RABGAP1L: variants seen among roughly 807,000 people sequenced by gnomAD.
The protein encoded by RABGAP1L is RAB GTPase activating protein 1 like, also known as rab GTPase-activating protein 1-like.
In RABGAP1L, 63 loss-of-function variants were observed where a neutral mutation model predicts 137.7. That is an observed-to-expected ratio of 0.46 (90% CI 0.37 to 0.56). The LOEUF (loss-of-function observed/expected upper bound fraction) is 0.56, where lower values mean the gene tolerates loss of function less well. RABGAP1L is among the 20% of genes least tolerant of loss of function. RABGAP1L has a pLI of 0.00. For synonymous variants in RABGAP1L, 431 were observed against 433.7 expected (o/e 0.99, Z 0.08); for missense variants, 1,095 against 1,244.0 (o/e 0.88, Z 1.80).
At chr1:174,532,532 G>A (rs1664510948) in intron 13 of RABGAP1L, among the ~76,000 whole-genome samples, 1 of 152,070 alleles carries the variant, frequency 6.6e-6, no homozygotes. Flanking sequence ...AGATGAAATT[G>A]ATAAATATTG....
At chr1:174,254,652 G>A (rs1353112267) in intron 7 of RABGAP1L, among the ~76,000 whole-genome samples, 3 of 152,120 alleles carry the variant, frequency 2.0e-5, no homozygotes, top group African/African-American at 7.2e-5. Flanking sequence ...CTATGTCCCT[G>A]CAAAGGACAT....
intron 13 of RABGAP1L, among the ~76,000 whole-genome samples, chr1:174,599,668 G>A (rs1049899591): frequency 6.6e-6 from 1 of 151,954 alleles, no homozygotes; most frequent in Non-Finnish European, 1.5e-5. Context: ...GTTTTGTAGG[G>A]TTTCCACTGA....
intron 7 of RABGAP1L, 86 bp downstream of exon 7, chr1:174,252,676 T>C: frequency 2.0e-6 from 3 of 1,505,492 alleles, no homozygotes; most frequent in Non-Finnish European, 1.8e-6. Flanking sequence ...GGCTTTTCAC[T>C]ATACTTCATT....
intron 17 of RABGAP1L, among the ~76,000 whole-genome samples, chr1:174,718,014 C>T (rs777648749): frequency 6.6e-6 from 1 of 152,154 alleles, no homozygotes; most frequent in African/African-American, 2.4e-5. Flanking sequence ...GTCCCAGTTG[C>T]TCCTCAACAG....
At chr1:174,841,551 AAGC>A (rs1693401805) in intron 19 of RABGAP1L, among the ~76,000 whole-genome samples, 1 of 152,052 alleles carries the variant, frequency 6.6e-6, no homozygotes, top group African/African-American at 2.4e-5. Flanking sequence ...AAACATAAAA[AAGC>A]AGAAGAAGGG....
chr1:174,964,866 T>C (rs1669476348), intron 20 of RABGAP1L: 9 of 1,454,586 alleles, frequency 6.2e-6, no homozygotes, highest in Non-Finnish European at 8.2e-6. Flanking sequence ...AGTGTCTGTT[T>C]TTGTTATTGC....
chr1:174,419,212 C>T (rs1298895417), intron 13 of RABGAP1L, among the ~76,000 whole-genome samples: 2 of 152,126 alleles, frequency 1.3e-5, no homozygotes, highest in African/African-American at 4.8e-5. Context: ...TTACCTAGGA[C>T]AGATCTCAAA....
chr1:174,388,606 T>C (rs2149069624), intron 12 of RABGAP1L, among the ~76,000 whole-genome samples: 1 of 152,192 alleles, frequency 6.6e-6, no homozygotes, highest in African/African-American at 2.4e-5. Context: ...ATGCTGATGA[T>C]TTAACTATTA....
intron 6 of RABGAP1L, among the ~76,000 whole-genome samples, chr1:174,251,656 C>G (rs1672726233): frequency 6.6e-6 from 1 of 152,114 alleles, no homozygotes; most frequent in South Asian, 2.1e-4. Context: ...ATTTGATTAA[C>G]TTGTCCCTGT....
chr1:174,483,241 T>G (rs948842397), intron 13 of RABGAP1L, among the ~76,000 whole-genome samples: 4 of 152,132 alleles, frequency 2.6e-5, no homozygotes, highest in African/African-American at 9.7e-5. Context: ...TACTTTCTAT[T>G]TTTGTACCCA....
chr1:174,782,110 T>C (rs1012782444), intron 18 of RABGAP1L, among the ~76,000 whole-genome samples: 1 of 152,176 alleles, frequency 6.6e-6, no homozygotes, highest in African/African-American at 2.4e-5. Context: ...AAGAAAGTCA[T>C]TGGTAGCTTG....
At chr1:174,317,590 C>A (rs1171534793) in intron 11 of RABGAP1L, among the ~76,000 whole-genome samples, 1 of 152,092 alleles carries the variant, frequency 6.6e-6, no homozygotes, top group South Asian at 2.1e-4. Context: ...GAGCTGTGAG[C>A]TATGCAGACT....
chr1:174,579,003 A>G (rs553912827), intron 13 of RABGAP1L, among the ~76,000 whole-genome samples: 163 of 152,292 alleles, frequency 1.1e-3, no homozygotes, highest in Non-Finnish European at 2.1e-3. Flanking sequence ...TATAGAACAC[A>G]GTCATTTAAG....
chr1:174,642,716 C>G (rs1470135352), intron 14 of RABGAP1L, among the ~76,000 whole-genome samples: 1 of 142,242 alleles, frequency 7.0e-6, no homozygotes, highest in Non-Finnish European at 1.5e-5. Context: ...TTCTTTTTCT[C>G]TCTCTCTCTC....
intron 14 of RABGAP1L, among the ~76,000 whole-genome samples, chr1:174,680,808 C>T (rs1186616953): frequency 2.0e-5 from 3 of 151,994 alleles, no homozygotes; most frequent in Non-Finnish European, 4.4e-5. Flanking sequence ...GTGGGTCGAT[C>T]GCTTCAGCCT....
intron 13 of RABGAP1L, among the ~76,000 whole-genome samples, chr1:174,552,904 T>C (rs184596124): frequency 2.4e-4 from 36 of 152,336 alleles, no homozygotes; most frequent in African/African-American, 7.9e-4. Flanking sequence ...TTTGACTTTT[T>C]AATAACAGCC....
intron 1 of RABGAP1L, among the ~76,000 whole-genome samples, chr1:174,204,472 TC>T (rs1668359179): frequency 6.6e-6 from 1 of 152,344 alleles, no homozygotes; most frequent in East Asian, 1.9e-4. Flanking sequence ...AGAGAGGGCA[TC>T]CTTGTGTTGT....
chr1:174,964,921 CT>C (rs746792237), intron 20 of RABGAP1L: 269 of 1,464,768 alleles, frequency 1.8e-4, no homozygotes, highest in Admixed American at 6.8e-4. Context: ...ATTGGATATT[CT>C]TTTTTTTTAA....
intron 3 of RABGAP1L, among the ~76,000 whole-genome samples, chr1:174,227,852 GTT>G (rs74263820): frequency 5.3e-5 from 7 of 132,810 alleles, no homozygotes; most frequent in Non-Finnish European, 5.0e-5. Flanking sequence ...AAATACTGTG[GTT>G]TTTTTTTTTT....
Sources: gnomAD v4.1 joint callset for allele counts (sites outside exome capture counted in the v4.1 genomes callset) on GRCh38, gnomAD v4.1.1 for gene constraint, MANE v1.5 for transcripts, NCBI Gene and HGNC (gene_info 2026-07-23, HGNC 2026-07-21) for gene names.